Variants in GRIK2 observed in about 807,000 individuals in gnomAD.
The protein encoded by GRIK2 is glutamate receptor ionotropic, kainate 2.
A neutral mutation model predicts 100.3 loss-of-function variants in GRIK2; 32 were observed. The observed-to-expected ratio is 0.32, with a 90% CI of 0.24 to 0.43. GRIK2 has a LOEUF of 0.43. Among genes scored for constraint, GRIK2 ranks in the 20% least tolerant of loss-of-function variants. The pLI, the probability that GRIK2 is intolerant of heterozygous loss-of-function variation, is 1.00. For missense variants in GRIK2, 843 were observed against 1,114.9 expected, an observed-to-expected ratio of 0.76 and a Z score of 3.47; for synonymous variants, 417 against 389.4, an observed-to-expected ratio of 1.07 and a Z score of -0.83.
intron 7 of GRIK2, among the ~76,000 whole-genome samples, chr6:101,686,751 G>T (rs1771729742): frequency 6.6e-6 from 1 of 151,994 alleles, no homozygotes; most frequent in African/African-American, 2.4e-5. Context: ...TTATATAAAT[G>T]ACTTATGTCA....
intron 2 of GRIK2, among the ~76,000 whole-genome samples, chr6:101,477,008 G>T (rs543295100): frequency 4.6e-5 from 7 of 152,226 alleles, no homozygotes; most frequent in Admixed American, 4.6e-4. Context: ...AATATTAATT[G>T]TAGAGATTTT....
intron 9 of GRIK2, among the ~76,000 whole-genome samples, chr6:101,813,160 CAT>C (rs1287682180): frequency 4.0e-5 from 6 of 151,886 alleles, no homozygotes; most frequent in African/African-American, 9.6e-5. Flanking sequence ...CACACACACA[CAT>C]ATACACACAC....
At chr6:101,536,917 T>A (rs535207325) in intron 2 of GRIK2, among the ~76,000 whole-genome samples, 1 of 151,908 alleles carries the variant, frequency 6.6e-6, no homozygotes, top group African/African-American at 2.4e-5. Flanking sequence ...ATTGTGTTTA[T>A]AATTTTTATC....
At chr6:101,441,976 A>AT (rs1562140568) in intron 2 of GRIK2, among the ~76,000 whole-genome samples, 1 of 147,422 alleles carries the variant, frequency 6.8e-6, no homozygotes, top group African/African-American at 2.5e-5. Context: ...AAAAAAAAAA[A>AT]GGGGTGAACA....
At chr6:101,712,590 A>G (rs1583006392) in intron 7 of GRIK2, among the ~76,000 whole-genome samples, 1 of 151,900 alleles carries the variant, frequency 6.6e-6, no homozygotes, top group East Asian at 1.9e-4. Context: ...CTAATAAGGT[A>G]TTGATTTTTG....
Position 101,828,717 on chromosome 6 carries a change from C to G in GRIK2, c.1317+10234C>G, listed in dbSNP as rs143766215. On this transcript the variant is annotated intron_variant, in intron 10 of 16. Coordinates refer to ENST00000369134, the MANE Select transcript of GRIK2 (RefSeq NM_021956.5). ...AACACACAACCTTCCAAGATTGAAC[C>G]AGGACAAAACAGAAATCCTGAACAG... is the stretch of plus-strand genomic sequence containing the variant. Among the ~76,000 whole-genome samples, 4 of 151,982 alleles carry G rather than the reference C, an allele frequency of 2.6e-5. No individual in the cohort carries two copies. In the East Asian group the frequency reaches 5.8e-4, roughly 22 times the overall value.
chr6:101,748,519 C>A (rs1185234494), intron 7 of GRIK2, among the ~76,000 whole-genome samples: 1 of 151,898 alleles, frequency 6.6e-6, no homozygotes, highest in Non-Finnish European at 1.5e-5. Context: ...TTTATAATTA[C>A]ATATGGTTCA....
At chr6:102,048,793 A>T (rs1329206652) in intron 15 of GRIK2, among the ~76,000 whole-genome samples, 2 of 152,094 alleles carry the variant, frequency 1.3e-5, no homozygotes. Context: ...CTAGTACCAA[A>T]CCACTACCTA....
intron 2 of GRIK2, among the ~76,000 whole-genome samples, chr6:101,510,457 T>C (rs1354642129): frequency 2.0e-5 from 3 of 151,998 alleles, no homozygotes; most frequent in Non-Finnish European, 4.4e-5. Context: ...TTGTGTTGTA[T>C]TGGCTCACAA....
chr6:101,469,466 T>A (rs959322167), intron 2 of GRIK2, among the ~76,000 whole-genome samples: 6 of 152,134 alleles, frequency 3.9e-5, no homozygotes, highest in African/African-American at 1.4e-4. Context: ...CCAAATAGAA[T>A]TTCTGTTATT....
At chr6:101,581,932 C>A (rs1449461283) in intron 2 of GRIK2, among the ~76,000 whole-genome samples, 1 of 152,072 alleles carries the variant, frequency 6.6e-6, no homozygotes, top group Non-Finnish European at 1.5e-5. Flanking sequence ...CAAATCTCAC[C>A]TTGAATTATA....
At chr6:101,508,093 A>ATTAT (rs1774114471) in intron 2 of GRIK2, among the ~76,000 whole-genome samples, 1 of 149,504 alleles carries the variant, frequency 6.7e-6, no homozygotes, top group Admixed American at 6.7e-5. Flanking sequence ...GATTATTATT[A>ATTAT]TTTTTTTTTT....
chr6:101,485,394 T>C (rs2128263602), intron 2 of GRIK2, among the ~76,000 whole-genome samples: 2 of 152,322 alleles, frequency 1.3e-5, no homozygotes, highest in South Asian at 2.1e-4. Context: ...ATAAATTAAC[T>C]TTAATACTTT....
chr6:101,834,083 T>C (rs1404301612), intron 10 of GRIK2, among the ~76,000 whole-genome samples: 2 of 152,106 alleles, frequency 1.3e-5, no homozygotes, highest in Admixed American at 6.6e-5. Context: ...TGTTTCTTTT[T>C]GAATCAATTT....
At chr6:101,771,910 C>T (rs1778432923) in intron 7 of GRIK2, among the ~76,000 whole-genome samples, 1 of 152,056 alleles carries the variant, frequency 6.6e-6, no homozygotes, top group African/African-American at 2.4e-5. Context: ...ATATGTGCCA[C>T]ATTTTCTTAA....
At chr6:101,847,571 G>A (rs1783883696) in intron 10 of GRIK2, among the ~76,000 whole-genome samples, 1 of 151,978 alleles carries the variant, frequency 6.6e-6, no homozygotes, top group Non-Finnish European at 1.5e-5. Flanking sequence ...TAAACTCCTG[G>A]AACAAAACAA....
chr6:101,609,540 G>A (rs1008726678), intron 2 of GRIK2, among the ~76,000 whole-genome samples: 7 of 151,778 alleles, frequency 4.6e-5, no homozygotes, highest in African/African-American at 1.7e-4. Flanking sequence ...TTAGTTGCCT[G>A]CAAAAGGAAA....
intron 2 of GRIK2, among the ~76,000 whole-genome samples, chr6:101,496,077 C>T (rs1207920477): frequency 6.6e-6 from 1 of 152,094 alleles, no homozygotes; most frequent in African/African-American, 2.4e-5. Flanking sequence ...TCCCAAGTAG[C>T]TGGGATTACA....
At chr6:101,909,538 G>A (rs1365666990) in intron 12 of GRIK2, among the ~76,000 whole-genome samples, 1 of 150,890 alleles carries the variant, frequency 6.6e-6, no homozygotes, top group Non-Finnish European at 1.5e-5. Context: ...TCAAAGAAAT[G>A]AGTAGTCACA....
Sources: allele counts gnomAD v4.1 joint callset (sites outside exome capture counted in the v4.1 genomes callset), GRCh38; gene constraint gnomAD v4.1.1; transcripts MANE v1.5; gene names NCBI Gene and HGNC (gene_info 2026-07-23, HGNC 2026-07-21).